Variants in INPP4B observed in about 807,000 individuals in gnomAD.
INPP4B encodes the protein inositol polyphosphate 4-phosphatase type II.
A neutral mutation model predicts 122.5 loss-of-function variants in INPP4B; 55 were observed. The observed-to-expected ratio is 0.45, with a 90% CI of 0.36 to 0.56. INPP4B has a LOEUF of 0.56. Ranked by LOEUF, INPP4B falls within the 20% of genes least tolerant of loss-of-function variation. The pLI is 0.00. For synonymous variants in INPP4B, 403 were observed against 388.7 expected, an observed-to-expected ratio of 1.04 and a Z score of -0.43; for missense variants, 1,000 against 1,097.7, an observed-to-expected ratio of 0.91 and a Z score of 1.26.
At chr4:142,455,567 T>C (rs968250068) in intron 3 of INPP4B, among the ~76,000 whole-genome samples, 2 of 152,104 alleles carry the variant, frequency 1.3e-5, no homozygotes, top group Non-Finnish European at 2.9e-5. Flanking sequence ...CATCTGTTTA[T>C]GGACACTTAG....
intron 2 of INPP4B, among the ~76,000 whole-genome samples, chr4:142,637,118 A>G (rs1749327204): frequency 6.6e-6 from 1 of 152,182 alleles, no homozygotes; most frequent in South Asian, 2.1e-4. Context: ...CCCTTTCTAA[A>G]CACAAAACTT....
intron 17 of INPP4B, among the ~76,000 whole-genome samples, chr4:142,158,909 C>T (rs1208212272): frequency 6.6e-6 from 1 of 151,968 alleles, no homozygotes; most frequent in Admixed American, 6.6e-5. Context: ...AAAAGGTCAA[C>T]ACTGGATGTT....
intron 16 of INPP4B, among the ~76,000 whole-genome samples, chr4:142,163,927 A>C (rs1241739169): frequency 6.6e-6 from 1 of 151,888 alleles, no homozygotes; most frequent in East Asian, 1.9e-4. Flanking sequence ...GTCTATCTAA[A>C]TGTTATCATA....
chr4:142,725,085 C>A (rs1765165621), intron 2 of INPP4B, among the ~76,000 whole-genome samples: 1 of 152,058 alleles, frequency 6.6e-6, no homozygotes, highest in African/African-American at 2.4e-5. Context: ...CTGCAAAAAT[C>A]TCTTTTGAGA....
chr4:142,518,007 A>G (rs1299419378), intron 2 of INPP4B, among the ~76,000 whole-genome samples: 3 of 152,178 alleles, frequency 2.0e-5, no homozygotes, highest in African/African-American at 4.8e-5. Flanking sequence ...TGTGTCACAA[A>G]GGTCTTAAAA....
rs74417739 is a variant in INPP4B at position 142,489,998 on chromosome 4, A to C, written c.-190-27272T>G. 7.0e-3 allele frequency among the ~76,000 whole-genome samples: 1,063 copies of C among 152,116 alleles called. 14 individuals carry two copies. The highest frequency in any genetic ancestry group is 0.024 in the African/African-American group (1,007 of 41,480). ...CATCATTTTACTTCAAGGTATATAG[A>C]TCTCTTTGTATTATAGACAGCATTT... On this transcript the variant is annotated intron_variant, in intron 2 of 25. Transcript: ENST00000262992.
chr4:142,221,754 T>C (rs1483603246), intron 12 of INPP4B, among the ~76,000 whole-genome samples: 3 of 152,214 alleles, frequency 2.0e-5, no homozygotes, highest in African/African-American at 7.2e-5. Context: ...ACTAGCCACA[T>C]GTAGCTGTTC....
At chr4:142,642,734 T>C (rs1321618061) in intron 2 of INPP4B, among the ~76,000 whole-genome samples, 1 of 152,196 alleles carries the variant, frequency 6.6e-6, no homozygotes. Flanking sequence ...TGGCTTAGGA[T>C]TGACTTGGTG....
At chr4:142,048,779 T>C (rs568391674) in intron 25 of INPP4B, among the ~76,000 whole-genome samples, 2 of 152,122 alleles carry the variant, frequency 1.3e-5, no homozygotes, top group Non-Finnish European at 2.9e-5. Context: ...GGATTTAAAA[T>C]ATTAGCTTGA....
intron 1 of INPP4B, among the ~76,000 whole-genome samples, chr4:142,774,699 TG>T (rs1773583812): frequency 6.6e-6 from 1 of 152,090 alleles, no homozygotes; most frequent in Admixed American, 6.6e-5. Context: ...CTGCACATCA[TG>T]TTTGTCTCTT....
chr4:142,674,142 T>C (rs1757387572), intron 2 of INPP4B, among the ~76,000 whole-genome samples: 1 of 152,256 alleles, frequency 6.6e-6, no homozygotes, highest in East Asian at 1.9e-4. Context: ...GCTCTCCCTA[T>C]GGGTCGTCTG....
chr4:142,265,994 T>C (rs981764399), intron 10 of INPP4B, among the ~76,000 whole-genome samples: 8 of 152,196 alleles, frequency 5.3e-5, no homozygotes, highest in Non-Finnish European at 1.2e-4. Context: ...AAGTGGCTGG[T>C]AATATATTTA....
intron 2 of INPP4B, among the ~76,000 whole-genome samples, chr4:142,587,009 G>A (rs751840647): frequency 6.6e-6 from 1 of 152,120 alleles, no homozygotes; most frequent in Non-Finnish European, 1.5e-5. Flanking sequence ...AGAGCATATG[G>A]GACCTTGAAT....
intron 2 of INPP4B, among the ~76,000 whole-genome samples, chr4:142,706,970 T>C (rs1166030207): frequency 3.9e-5 from 6 of 152,264 alleles, no homozygotes; most frequent in Admixed American, 3.9e-4. Context: ...CTATGGGATC[T>C]GTCTGGCTCC....
At chr4:142,222,480 T>C (rs1331575038) in intron 12 of INPP4B, among the ~76,000 whole-genome samples, 1 of 152,224 alleles carries the variant, frequency 6.6e-6, no homozygotes, top group African/African-American at 2.4e-5. Flanking sequence ...TAACTTGTTT[T>C]TCCCTCTACA....
chr4:142,291,628 T>C (rs910699121), intron 9 of INPP4B, among the ~76,000 whole-genome samples: 1 of 152,208 alleles, frequency 6.6e-6, no homozygotes, highest in African/African-American at 2.4e-5. Context: ...CATCCTATTC[T>C]TAAAATTGGC....
intron 2 of INPP4B, among the ~76,000 whole-genome samples, chr4:142,523,045 T>C (rs780670944): frequency 2.6e-5 from 4 of 152,050 alleles, no homozygotes; most frequent in Admixed American, 6.6e-5. Flanking sequence ...ATCGCTTGAC[T>C]AGAAAGATGA....
Position 142,520,752 on chromosome 4 carries a change from C to G in INPP4B, c.-190-58026G>C, listed in dbSNP as rs141834911. 1.6e-4 allele frequency among the ~76,000 whole-genome samples: 25 copies of G among 151,920 alleles called. No individual in the cohort carries two copies. The East Asian group carries it at 4.2e-3, about 26-fold the overall frequency. On this transcript the variant is annotated intron_variant, in intron 2 of 25. Coordinates refer to ENST00000262992, the MANE Select transcript of INPP4B (RefSeq NM_001101669.3). ...AATCTGATGCACTGAATTTTATCTA[C>G]TACCCATATATTATTAAAGTATAAT...
intron 2 of INPP4B, among the ~76,000 whole-genome samples, chr4:142,628,570 A>G (rs574717721): frequency 1.2e-4 from 18 of 151,480 alleles, no homozygotes; most frequent in African/African-American, 4.3e-4. Context: ...AAAAAAAAAA[A>G]AAAAAAAAAA....
Sources: allele counts gnomAD v4.1 joint callset (sites outside exome capture counted in the v4.1 genomes callset), GRCh38; gene constraint gnomAD v4.1.1; transcripts MANE v1.5; gene names NCBI Gene and HGNC (gene_info 2026-07-23, HGNC 2026-07-21).